CARMIL1: variants seen among roughly 807,000 people sequenced by gnomAD.
CARMIL1 encodes the protein capping protein regulator and myosin 1 linker 1.
CARMIL1 carries 90 observed loss-of-function variants against 177.1 expected under a neutral mutation model. That is an observed-to-expected ratio of 0.51 (90% CI 0.43 to 0.61). The LOEUF is 0.61. CARMIL1 is among the 20% of genes least tolerant of loss of function. The probability of loss-of-function intolerance (pLI) is 0.00; values close to 1 mark genes in which losing one functional copy is unlikely to be tolerated. For missense variants in CARMIL1, 1,380 were observed against 1,667.0 expected, an observed-to-expected ratio of 0.83 and a Z score of 3.00; for synonymous variants, 577 against 606.2, an observed-to-expected ratio of 0.95 and a Z score of 0.71.
At chr6:25,285,020 A>G in intron 2 of CARMIL1, 111 bp downstream of exon 2, 2 of 665,070 alleles carry the variant, frequency 3.0e-6, no homozygotes, top group Non-Finnish European at 5.2e-6. Flanking sequence ...TATATTGTTC[A>G]AAAGTTCTGA....
intron 8 of CARMIL1, among the ~76,000 whole-genome samples, chr6:25,463,823 T>TTTC (rs1800340043): frequency 7.1e-6 from 1 of 141,632 alleles, no homozygotes; most frequent in Non-Finnish European, 1.6e-5. Context: ...GTTCTCCTTT[T>TTTC]TTTTTTTTTT....
At chr6:25,332,157 A>C (rs774719505) in intron 2 of CARMIL1, among the ~76,000 whole-genome samples, 1 of 152,080 alleles carries the variant, frequency 6.6e-6, no homozygotes, top group Non-Finnish European at 1.5e-5. Flanking sequence ...TTGCCTTTTG[A>C]CTTTTGTTGC....
chr6:25,340,315 G>A (rs1183664814), intron 2 of CARMIL1, among the ~76,000 whole-genome samples: 1 of 152,196 alleles, frequency 6.6e-6, no homozygotes, highest in Admixed American at 6.5e-5. Flanking sequence ...AGTGTTCAGT[G>A]TGTAGCTTAA....
chr6:25,434,517 C>CCTTT (rs1797063943), intron 4 of CARMIL1, among the ~76,000 whole-genome samples: 1 of 139,012 alleles, frequency 7.2e-6, no homozygotes, highest in African/African-American at 2.7e-5. Context: ...AGCTCAAAAC[C>CCTTT]ATTTTTTTTT....
At chr6:25,287,804 G>A (rs1781633477) in intron 2 of CARMIL1, among the ~76,000 whole-genome samples, 1 of 152,212 alleles carries the variant, frequency 6.6e-6, no homozygotes, top group Non-Finnish European at 1.5e-5. Flanking sequence ...CAAAAAGAAG[G>A]CAGCTGTTAC....
chr6:25,316,415 C>T (rs982329366), intron 2 of CARMIL1, among the ~76,000 whole-genome samples: 4 of 137,776 alleles, frequency 2.9e-5, no homozygotes, highest in African/African-American at 1.1e-4. Context: ...AGTTTATATT[C>T]CAGAGGGCTT....
At chr6:25,615,652 C>G (rs945236608) in intron 36 of CARMIL1, among the ~76,000 whole-genome samples, 3 of 152,200 alleles carry the variant, frequency 2.0e-5, no homozygotes, top group African/African-American at 7.2e-5. Flanking sequence ...AGCCAGTGCT[C>G]TGCTCTACTT....
At chr6:25,510,886 C>G in intron 20 of CARMIL1, 124 bp downstream of exon 20, 1 of 628,616 alleles carries the variant, frequency 1.6e-6, no homozygotes, top group Non-Finnish European at 2.7e-6. Flanking sequence ...TTTTCCATTA[C>G]TTTTTAAAAA....
intron 2 of CARMIL1, among the ~76,000 whole-genome samples, chr6:25,358,652 GA>G (rs1224772644): frequency 6.6e-6 from 1 of 152,088 alleles, no homozygotes; most frequent in African/African-American, 2.4e-5. Context: ...CTCTAAGGGG[GA>G]AAAATAATTT....
chr6:25,383,418 G>A (rs1332038847), intron 2 of CARMIL1, among the ~76,000 whole-genome samples: 1 of 152,108 alleles, frequency 6.6e-6, no homozygotes, highest in Non-Finnish European at 1.5e-5. Flanking sequence ...AGAGAAGAGG[G>A]TAATGTCCTT....
chr6:25,348,559 G>A (rs1169507866), intron 2 of CARMIL1, among the ~76,000 whole-genome samples: 1 of 151,696 alleles, frequency 6.6e-6, no homozygotes, highest in Non-Finnish European at 1.5e-5. Context: ...CGAGCTGGGC[G>A]GATCACGAGG....
At chr6:25,617,526 G>A (rs1286301133) in intron 36 of CARMIL1, among the ~76,000 whole-genome samples, 3 of 152,098 alleles carry the variant, frequency 2.0e-5, no homozygotes, top group Admixed American at 1.3e-4. Flanking sequence ...AACTTGTAGT[G>A]TATTTTTGAG....
chr6:25,556,763 G>A lies in CARMIL1; in HGVS notation c.2655G>A (p.Leu885=), dbSNP rs1484789220. ...LPQQESLEIE[L]AEEKPVKRSI... ...AACAAGAATCCTTAGAGATCGAGCT[G>A]GCTGAGGAGAAGCCAGTTAAACGTT... The change falls in exon 29 of 37, where the codon CTG becomes CTA. Residue 885 remains leucine, a synonymous_variant. Coordinates refer to ENST00000329474, the MANE Select transcript of CARMIL1 (RefSeq NM_017640.6). 11 of 1,613,528 alleles carry A rather than the reference G, an allele frequency of 6.8e-6. No individual in the cohort carries two copies. Among genetic ancestry groups the A allele is most frequent in the Non-Finnish European group, 7.6e-6 (9 of 1,179,726 alleles).
At chr6:25,455,529 A>T (rs1165682635) in intron 8 of CARMIL1, among the ~76,000 whole-genome samples, 1 of 152,174 alleles carries the variant, frequency 6.6e-6, no homozygotes, top group Non-Finnish European at 1.5e-5. Context: ...AGCAAATTAG[A>T]ATCCTGCGAG....
At position 25,306,504 on chromosome 6, in the gene CARMIL1, C is replaced by G. The variant is rs4712905; in HGVS notation, c.138+21595C>G. On this transcript the variant is annotated intron_variant, in intron 2 of 36. Coordinates refer to ENST00000329474, the MANE Select transcript of CARMIL1 (RefSeq NM_017640.6). The stretch of plus-strand genomic sequence containing the variant: ...TCCTGAAACCATCTCTCCTCCCCCC[C>G]ACTTTTATTGAAAAGTTGTCTTCCA... Among the ~76,000 whole-genome samples, 266 of 152,102 alleles carry G rather than the reference C, an allele frequency of 1.7e-3. 1 individual carries two copies. The highest frequency in any genetic ancestry group is 2.5e-3 in the Non-Finnish European group (169 of 67,996).
At chr6:25,536,055 C>T (rs576250829) in intron 24 of CARMIL1, among the ~76,000 whole-genome samples, 1 of 152,268 alleles carries the variant, frequency 6.6e-6, no homozygotes, top group Non-Finnish European at 1.5e-5. Flanking sequence ...TCTCTTTGTT[C>T]TCTCGTGGTG....
intron 5 of CARMIL1, among the ~76,000 whole-genome samples, chr6:25,437,154 G>A (rs1276527131): frequency 1.3e-5 from 2 of 152,082 alleles, no homozygotes; most frequent in South Asian, 2.1e-4. Flanking sequence ...TCAGTAATGC[G>A]ACTTTGTACA....
chr6:25,309,374 A>G (rs2150199114), intron 2 of CARMIL1, among the ~76,000 whole-genome samples: 1 of 151,488 alleles, frequency 6.6e-6, no homozygotes, highest in East Asian at 1.9e-4. Context: ...AAAAAAAAAA[A>G]AAGTAATTCA....
intron 2 of CARMIL1, among the ~76,000 whole-genome samples, chr6:25,290,860 C>T (rs942471132): frequency 1.1e-4 from 16 of 152,298 alleles, no homozygotes; most frequent in African/African-American, 3.4e-4. Flanking sequence ...ATCACAATCA[C>T]GAGCCTTGCT....
Sources: gnomAD v4.1 joint callset for allele counts (sites outside exome capture counted in the v4.1 genomes callset) on GRCh38, gnomAD v4.1.1 for gene constraint, MANE v1.5 for transcripts, NCBI Gene and HGNC (gene_info 2026-07-23, HGNC 2026-07-21) for gene names.